Variants in MGAM2 observed in about 807,000 individuals in gnomAD.
The protein encoded by MGAM2 is maltase-glucoamylase 2 (putative).
Under a neutral mutation model 96.1 loss-of-function variants are expected in MGAM2, and 98 were observed. The observed-to-expected ratio is 1.02, with a 90% CI of 0.87 to 1.21. MGAM2 has a LOEUF of 1.21. MGAM2 is among the 50% of genes most tolerant of loss of function. The pLI is 0.00. For synonymous variants in MGAM2, 749 were observed against 414.8 expected, an observed-to-expected ratio of 1.81 and a Z score of -9.79; for missense variants, 2,055 against 1,182.4, an observed-to-expected ratio of 1.74 and a Z score of -10.82.
chr7:142,213,859 T>TA (rs904354065), intron 46 of MGAM2, among the ~76,000 whole-genome samples: 1 of 152,022 alleles, frequency 6.6e-6, no homozygotes, highest in African/African-American at 2.4e-5. Flanking sequence ...AGAGACACAA[T>TA]AAAAAAAGAA....
intron 2 of MGAM2, among the ~76,000 whole-genome samples, chr7:142,117,610 C>T (rs1817457591): frequency 6.6e-6 from 1 of 152,114 alleles, no homozygotes; most frequent in Non-Finnish European, 1.5e-5. Flanking sequence ...GTGAATTGAA[C>T]CTACAGTGAA....
chr7:142,206,729 A>G (rs1420906591), intron 45 of MGAM2, among the ~76,000 whole-genome samples: 2 of 152,214 alleles, frequency 1.3e-5, no homozygotes, highest in African/African-American at 2.4e-5. Flanking sequence ...TTTTATGGAG[A>G]AGGTTTTTAG....
At chr7:142,183,949 C>CTTTTTTTTTTTTTTTTTTTTTTTTT (rs1563281526) in intron 33 of MGAM2, among the ~76,000 whole-genome samples, 1 of 83,196 alleles carries the variant, frequency 1.2e-5, no homozygotes, top group Non-Finnish European at 2.6e-5. Flanking sequence ...ATTCCAGGCT[C>CTTTTTTTTTTTTTTTTTTTTTTTTT]CTTTTTTTTT....
chr7:142,114,214 G>GAAAGAA (rs1365981658), intron 1 of MGAM2, among the ~76,000 whole-genome samples: 5 of 129,272 alleles, frequency 3.9e-5, no homozygotes, highest in Non-Finnish European at 6.4e-5. Context: ...AAGAAAGAAA[G>GAAAGAA]AGAGAAAGAA....
intron 1 of MGAM2, among the ~76,000 whole-genome samples, chr7:142,114,176 A>G (rs539612715): frequency 7.8e-6 from 1 of 128,154 alleles, no homozygotes; most frequent in Non-Finnish European, 1.6e-5. Flanking sequence ...GAAAGAAAGA[A>G]AGAAAGAAAG....
At chr7:142,197,263 G>GTT (rs1797072628) in intron 40 of MGAM2, 137 bp from the exon 41 acceptor site, 1 of 606,398 alleles carries the variant, frequency 1.6e-6, no homozygotes, top group Non-Finnish European at 2.9e-6. Flanking sequence ...CAGAGATGGG[G>GTT]GAAAGGGTAG....
At chr7:142,215,867 C>T (rs1459617710) in intron 46 of MGAM2, among the ~76,000 whole-genome samples, 1 of 151,608 alleles carries the variant, frequency 6.6e-6, no homozygotes, top group Non-Finnish European at 1.5e-5. Flanking sequence ...ATTAATGTAC[C>T]CTTTTTCTTT....
intron 6 of MGAM2, among the ~76,000 whole-genome samples, chr7:142,133,563 G>A (rs1245673153): frequency 1.3e-5 from 2 of 151,998 alleles, no homozygotes; most frequent in African/African-American, 2.4e-5. Flanking sequence ...CCCGGTACCA[G>A]CAGATCAACA....
chr7:142,191,602 C>A lies in MGAM2; in HGVS notation c.4346+2097C>A, dbSNP rs4440545. On this transcript the variant is annotated intron_variant, in intron 37 of 47. Transcript: ENST00000477922. The stretch of plus-strand genomic sequence containing the variant: ...CTCTATTTCATTGATCTCTCTCTCT[C>A]TATATATATATATATCCTTATGCCA... 4.2e-3 allele frequency among the ~76,000 whole-genome samples: 638 copies of A among 150,822 alleles called. 2 individuals carry two copies. Among genetic ancestry groups the A allele is most frequent in the Middle Eastern group, 0.01 (3 of 294 alleles).
At chr7:142,132,772 A>C (rs1794936013) in intron 6 of MGAM2, among the ~76,000 whole-genome samples, 1 of 125,810 alleles carries the variant, frequency 7.9e-6, no homozygotes, top group South Asian at 2.3e-4. Context: ...ATAATTATAT[A>C]ATATAATATA....
At chr7:142,127,111 A>G (rs1794752762) in intron 3 of MGAM2, among the ~76,000 whole-genome samples, 1 of 152,214 alleles carries the variant, frequency 6.6e-6, no homozygotes, top group Admixed American at 6.5e-5. Context: ...TTTTGAATTG[A>G]TGAATGTAGT....
chr7:142,193,045 G>C (rs1181568197), intron 37 of MGAM2, among the ~76,000 whole-genome samples: 1 of 152,078 alleles, frequency 6.6e-6, no homozygotes. Context: ...AGTTGTTCTT[G>C]CTTTTGCCTA....
chr7:142,113,350 AG>A (rs554180671), intron 1 of MGAM2, among the ~76,000 whole-genome samples: 106 of 152,222 alleles, frequency 7.0e-4, no homozygotes, highest in Non-Finnish European at 9.9e-4. Context: ...ACAAAGCTAA[AG>A]GGTTTTTGGT....
Position 142,189,454 on chromosome 7 carries a change from A to C in MGAM2, c.4295A>C (p.His1432Pro). Residue 1432 changes from histidine to proline, a missense_variant, in exon 37 of 48, where the codon CAC becomes CCC. By Grantham distance (77) the His-to-Pro change is moderately conservative. Transcript: ENST00000477922. Reference protein sequence around the residue: ...QILPDSSPVEHYNVHNLYGWS... With the variant: ...QILPDSSPVEPYNVHNLYGWS... The stretch of plus-strand genomic sequence containing the variant: ...CTGCCGGACAGCTCCCCCGTGGAGC[A>C]CTACAACGTGCACAACCTGTACGGG... The C allele has an allele frequency of 1.2e-6, 1 of 847,704 alleles. No homozygotes were observed. Among genetic ancestry groups the C allele is most frequent in the Non-Finnish European group, 2.0e-6 (1 of 504,898 alleles). The allele number at this position is 847,704 out of a possible 1,614,324, so 52.5% of individuals were successfully genotyped here. A position where few individuals can be genotyped will look rare whatever the true frequency, so the allele number is the denominator to read the frequency against.
At chr7:142,205,982 G>T (rs975304417) in intron 45 of MGAM2, among the ~76,000 whole-genome samples, 1 of 152,020 alleles carries the variant, frequency 6.6e-6, no homozygotes, top group Admixed American at 6.6e-5. Context: ...TGAGGCAGGG[G>T]TCTAACTTCT....
intron 9 of MGAM2, among the ~76,000 whole-genome samples, chr7:142,138,050 A>G (rs561170612): frequency 2.0e-5 from 3 of 152,226 alleles, no homozygotes; most frequent in Non-Finnish European, 4.4e-5. Context: ...CCCTGTCTCT[A>G]CTAAAAATAC....
intron 35 of MGAM2, among the ~76,000 whole-genome samples, chr7:142,187,328 C>T (rs183591970): frequency 6.6e-6 from 1 of 152,344 alleles, no homozygotes; most frequent in Admixed American, 6.5e-5. Context: ...ATAGTAACCT[C>T]TGGCCATAGA....
At chr7:142,113,153 G>A (rs1817232389) in intron 1 of MGAM2, among the ~76,000 whole-genome samples, 1 of 152,166 alleles carries the variant, frequency 6.6e-6, no homozygotes. Context: ...GAGCAGGGAG[G>A]CAGGGAAATG....
chr7:142,160,964 G>C (rs1380688307), intron 21 of MGAM2, among the ~76,000 whole-genome samples, 161 bp from the exon 22 acceptor site: 1 of 152,004 alleles, frequency 6.6e-6, no homozygotes, highest in Non-Finnish European at 1.5e-5. Flanking sequence ...AACCCCTGCT[G>C]CCTGCCCACA....
Sources: allele counts gnomAD v4.1 joint callset (sites outside exome capture counted in the v4.1 genomes callset), GRCh38; gene constraint gnomAD v4.1.1; transcripts MANE v1.5; gene names NCBI Gene and HGNC (gene_info 2026-07-23, HGNC 2026-07-21).